PCDHGA3: variants seen among roughly 807,000 people sequenced by gnomAD.
The protein encoded by PCDHGA3 is protocadherin gamma subfamily A, 3.
In PCDHGA3, 40 loss-of-function variants were observed where a neutral mutation model predicts 58.5. That is an observed-to-expected ratio of 0.68 (90% confidence interval 0.53 to 0.89). The LOEUF (loss-of-function observed/expected upper bound fraction) is 0.89. PCDHGA3 is among the 40% of genes least tolerant of loss of function. The pLI is 0.00. For missense variants in PCDHGA3, 1,223 were observed against 1,195.9 expected (o/e 1.02, Z -0.33); for synonymous variants, 530 against 525.7 (o/e 1.01, Z -0.11).
chr5:141,355,706 G>A (rs568835897), intron 1 of PCDHGA3: 7 of 1,613,984 alleles, frequency 4.3e-6, no homozygotes, highest in Admixed American at 1.7e-5. Flanking sequence ...TCCCTGCAGG[G>A]TTACCAGCTC....
intron 1 of PCDHGA3, chr5:141,361,024 A>G: frequency 6.2e-7 from 1 of 1,613,350 alleles, no homozygotes; most frequent in Non-Finnish European, 8.5e-7. Context: ...CTTAAATGAA[A>G]AAACAGGAGA....
intron 1 of PCDHGA3, chr5:141,350,965 T>C: frequency 6.2e-7 from 1 of 1,614,092 alleles, no homozygotes; most frequent in Non-Finnish European, 8.5e-7. Flanking sequence ...CCAATGATAA[T>C]GCTCCCGTGT....
chr5:141,459,981 G>C (rs1023972964), intron 1 of PCDHGA3, among the ~76,000 whole-genome samples: 7 of 152,330 alleles, frequency 4.6e-5, no homozygotes, highest in Admixed American at 1.3e-4. Context: ...AGGAGGCTGA[G>C]ACAGGAGAAT....
chr5:141,394,496 G>T (rs779718881), intron 1 of PCDHGA3: 5 of 1,614,118 alleles, frequency 3.1e-6, no homozygotes, highest in Middle Eastern at 1.6e-4. Context: ...ACGCGCCCGA[G>T]ATCCTGTACC....
At chr5:141,495,613 G>A (rs1230710705) in intron 2 of PCDHGA3, among the ~76,000 whole-genome samples, 2 of 152,068 alleles carry the variant, frequency 1.3e-5, no homozygotes, top group Non-Finnish European at 2.9e-5. Flanking sequence ...CTTGATTGCT[G>A]CACCTCAGCC....
rs750200042 is a variant in PCDHGA3, at chr5:141,418,821, C to A, written c.2424+72364C>A. On this transcript the variant is annotated intron_variant, in intron 1 of 3. Coordinates refer to ENST00000253812, the MANE Select transcript of PCDHGA3 (RefSeq NM_018916.4). ...GAAAGATATACGATAAACATAGAAG[C>A]AAAAGACCGAGGATCTCTCTCAACA... 8.1e-6 allele frequency: 13 copies of A among 1,613,846 alleles called. 1 individual carries two copies. The highest frequency in any genetic ancestry group is 1.6e-4 in the Middle Eastern group (1 of 6,062).
chr5:141,364,178 C>G (rs946798028), intron 1 of PCDHGA3: 1 of 887,846 alleles, frequency 1.1e-6, no homozygotes, highest in Admixed American at 3.6e-5. Flanking sequence ...ACTCTGCTCC[C>G]TCCATACTAA....
At chr5:141,393,447 C>T (rs753693736) in intron 1 of PCDHGA3, 3 of 1,614,052 alleles carry the variant, frequency 1.9e-6, no homozygotes, top group East Asian at 4.5e-5. Context: ...CCACCTGGTC[C>T]TCACGGCCTC....
At chr5:141,364,205 A>C (rs1250961446) in intron 1 of PCDHGA3, 2 of 1,159,214 alleles carry the variant, frequency 1.7e-6, no homozygotes, top group African/African-American at 3.1e-5. Flanking sequence ...AGACCAGACA[A>C]GCTCCTACGA....
intron 1 of PCDHGA3, chr5:141,441,346 G>A (rs1265971154): frequency 2.0e-5 from 3 of 152,340 alleles, no homozygotes; most frequent in African/African-American, 7.2e-5. Context: ...TTAACTACAT[G>A]CTTGTAACAA....
At chr5:141,360,781 G>A (rs1364422649) in intron 1 of PCDHGA3, 1 of 1,613,920 alleles carries the variant, frequency 6.2e-7, no homozygotes, top group East Asian at 2.2e-5. Context: ...CACAGCTGTG[G>A]ATGGCGGAGA....
intron 1 of PCDHGA3, chr5:141,399,174 T>A: frequency 6.2e-7 from 1 of 1,613,818 alleles, no homozygotes; most frequent in Non-Finnish European, 8.5e-7. Flanking sequence ...ATTCTCTACT[T>A]GAAATGATTC....
At position 141,422,923 on chromosome 5, in the gene PCDHGA3, C is replaced by T. The variant is rs188787674; in HGVS notation, c.2425-71884C>T. The T allele has an allele frequency of 1.6e-5, 26 of 1,614,252 alleles. No homozygotes were observed. In the East Asian group the frequency reaches 2.5e-4, roughly 15 times the overall value. On this transcript the variant is annotated intron_variant, in intron 1 of 3. Coordinates refer to ENST00000253812, the MANE Select transcript of PCDHGA3 (RefSeq NM_018916.4). ...CGACAATGCGCCCGAGATCCTGTAC[C>T]CTGCCCTCCCCACAGACGGCTCCAC...
At position 141,486,090 on chromosome 5, in the gene PCDHGA3, G is replaced by C. The variant is rs190955361; in HGVS notation, c.2425-8717G>C. On this transcript the variant is annotated intron_variant, in intron 1 of 3. Transcript: ENST00000253812. The surrounding 1 kb of genome is among the most constrained non-coding windows in gnomAD (Gnocchi z 5.0). ...ACTACTGGAAAGCTTACTCTTTTGG[G>C]GCCCCTAGACTTTGAGAGTGAGAAT... 4 of 1,614,086 alleles carry C rather than the reference G, an allele frequency of 2.5e-6. No individual in the cohort carries two copies. The Admixed American group carries it at 6.7e-5, about 27-fold the overall frequency.
At chr5:141,452,887 C>T (rs1000136303) in intron 1 of PCDHGA3, among the ~76,000 whole-genome samples, 1 of 152,174 alleles carries the variant, frequency 6.6e-6, no homozygotes, top group Non-Finnish European at 1.5e-5. Flanking sequence ...ATAATTTATT[C>T]CACTTTTATT....
rs768510925 is a variant in PCDHGA3 at position 141,394,047 on chromosome 5, C to T, written c.2424+47590C>T. On this transcript the variant is annotated intron_variant, in intron 1 of 3. Coordinates refer to ENST00000253812, the MANE Select transcript of PCDHGA3 (RefSeq NM_018916.4). Reference sequence around the variant, plus strand: ...ATTAGTGACAAGGAAATATTTGGACCGAGAAAATGTCTCTATCTACAATAT... The same window carrying T: ...ATTAGTGACAAGGAAATATTTGGACTGAGAAAATGTCTCTATCTACAATAT... The T allele has an allele frequency of 5.6e-6, 9 of 1,613,438 alleles. No homozygotes were observed. The Admixed American group carries it at 1.5e-4, about 27-fold the overall frequency.
At chr5:141,464,680 A>G (rs747974832) in intron 1 of PCDHGA3, among the ~76,000 whole-genome samples, 3 of 152,144 alleles carry the variant, frequency 2.0e-5, no homozygotes, top group Non-Finnish European at 4.4e-5. Flanking sequence ...TTTTAATTAA[A>G]ATTTCTCTTA....
At chr5:141,358,349 G>A (rs1182827672) in intron 1 of PCDHGA3, among the ~76,000 whole-genome samples, 3 of 152,164 alleles carry the variant, frequency 2.0e-5, no homozygotes, top group African/African-American at 7.2e-5. Context: ...TGGACTGAGG[G>A]TTTTTTAATT....
chr5:141,484,941 C>T (rs2099604065), intron 1 of PCDHGA3: 2 of 543,888 alleles, frequency 3.7e-6, no homozygotes, highest in East Asian at 6.3e-5. Context: ...ACGTTCTCTG[C>T]TCAGCCTATT....
Sources: gnomAD v4.1 joint callset for allele counts (sites outside exome capture counted in the v4.1 genomes callset) on GRCh38, gnomAD v4.1.1 for gene constraint, Gnocchi (gnomAD v3.1) non-coding constraint, MANE v1.5 for transcripts, NCBI Gene and HGNC (gene_info 2026-07-23, HGNC 2026-07-21) for gene names.